The following FBN1 variants were observed in gnomAD, a reference collection of about 807,000 sequenced individuals.
The protein encoded by FBN1 is fibrillin 1.
A neutral mutation model predicts 365.1 loss-of-function variants in FBN1; 29 were observed. The observed-to-expected ratio is 0.08, with a 90% CI of 0.06 to 0.11. The LOEUF (loss-of-function observed/expected upper bound fraction) is 0.11. FBN1 is among the 10% of genes least tolerant of loss of function. The probability of loss-of-function intolerance (pLI) is 1.00; values close to 1 mark genes in which losing one functional copy is unlikely to be tolerated. For missense variants in FBN1, 2,476 were observed against 3,703.2 expected, an observed-to-expected ratio of 0.67 and a Z score of 8.60; for synonymous variants, 1,210 against 1,270.5, an observed-to-expected ratio of 0.95 and a Z score of 1.01.
rs539588423 is a variant in FBN1, at chr15:48,537,498, T to C, written c.736+113A>G. 186 of 1,329,130 alleles carry C rather than the reference T, an allele frequency of 1.4e-4. No individual in the cohort carries two copies. The African/African-American group carries it at 1.4e-3, about 10-fold the overall frequency. 82.3% of individuals were successfully genotyped at this position (1,329,130 alleles called of 1,614,324 possible). On this transcript the variant is annotated intron_variant, in intron 7 of 65. Coordinates refer to ENST00000316623, the MANE Select transcript of FBN1 (RefSeq NM_000138.5). ...GTTGGATATCATGCAGTCAGCGAAA[T>C]TGTGAAGTTATGTAGCTGACACTAC... is the stretch of plus-strand genomic sequence containing the variant.
intron 8 of FBN1, chr15:48,528,871 C>G (rs2043941366): frequency 6.6e-6 from 1 of 152,044 alleles, no homozygotes; most frequent in African/African-American, 2.4e-5. Context: ...GGCATGGCTT[C>G]GTAACAAATA....
rs990134651 is a variant in FBN1, at chr15:48,488,239, T to C, written c.3211A>G (p.Ile1071Val). 5 of 1,614,084 alleles carry C rather than the reference T, an allele frequency of 3.1e-6. No homozygotes were observed. Among genetic ancestry groups the C allele is most frequent in the Admixed American group, 1.7e-5 (1 of 60,010 alleles). ...LDSEERNCTDIDECRISPDLC... is the reference protein window; with the variant it reads ...LDSEERNCTDVDECRISPDLC... ...TCAGGAGATATGCGGCATTCGTCAA[T>C]GTCTGCACAAAAACAGCAAGTGGCA... is the stretch of plus-strand genomic sequence containing the variant. Residue 1071 changes from isoleucine (I) to valine (V), a missense_variant and splice_region_variant, in exon 27 of 66, where the codon ATT (isoleucine) becomes GTT (valine). Ile to Val is a conservative substitution (Grantham distance 29). Coordinates refer to ENST00000316623, the MANE Select transcript of FBN1 (RefSeq NM_000138.5).
chr15:48,644,485 C>T, intron 2 of FBN1, 121 bp downstream of exon 2: 2 of 1,429,422 alleles, frequency 1.4e-6, no homozygotes, highest in East Asian at 2.3e-5. Flanking sequence ...ACCCTAGCAC[C>T]TCTAAGGTGC....
chr15:48,578,905 T>C (rs1056510579), intron 6 of FBN1, among the ~76,000 whole-genome samples: 13 of 144,878 alleles, frequency 9.0e-5, no homozygotes, highest in Admixed American at 7.0e-4. Context: ...TACCTAATGC[T>C]AGATGACGAG....
intron 54 of FBN1, among the ~76,000 whole-genome samples, chr15:48,433,421 C>G (rs2043039178): frequency 6.6e-6 from 1 of 152,110 alleles, no homozygotes; most frequent in African/African-American, 2.4e-5. Flanking sequence ...CAGAAACCAA[C>G]TCCTCCAATA....
intron 6 of FBN1, among the ~76,000 whole-genome samples, chr15:48,571,546 G>T (rs12910434): frequency 6.6e-6 from 1 of 151,810 alleles, no homozygotes; most frequent in East Asian, 1.9e-4. Context: ...TTAAAGTAAA[G>T]AAGATTAAAA....
At position 48,572,601 on chromosome 15, in the gene FBN1, G is replaced by A. The variant is rs528414361; in HGVS notation, c.538+23682C>T. 5.6e-4 allele frequency among the ~76,000 whole-genome samples: 85 copies of A among 151,508 alleles called. 1 individual carries two copies. The highest frequency in any genetic ancestry group is 2.0e-3 in the African/African-American group (83 of 41,390). ...ATCAGTACTGGGGATTGTCTAAAAC[G>A]GCATTTTTAAAAAAATCTTGGAGAG... On this transcript the variant is annotated intron_variant, in intron 6 of 65. Coordinates refer to ENST00000316623, the MANE Select transcript of FBN1 (RefSeq NM_000138.5).
chr15:48,472,240 C>A (rs373186824), intron 35 of FBN1, among the ~76,000 whole-genome samples: 1 of 152,148 alleles, frequency 6.6e-6, no homozygotes, highest in African/African-American at 2.4e-5. Context: ...CATCCCCCTC[C>A]GTAGGGATAA....
chr15:48,450,154 G>A (rs535345439), intron 45 of FBN1, among the ~76,000 whole-genome samples: 1 of 152,276 alleles, frequency 6.6e-6, no homozygotes, highest in Admixed American at 6.5e-5. Context: ...TCCCAGTATA[G>A]GCAGAGGAGA....
chr15:48,425,332 G>A, intron 60 of FBN1, 37 bp downstream of exon 60: 3 of 1,613,914 alleles, frequency 1.9e-6, no homozygotes, highest in South Asian at 2.2e-5. Context: ...CCATGTGTCA[G>A]GAGCTAGGTG....
At chr15:48,448,946 A>G (rs2043180126) in intron 45 of FBN1, 53 bp from the exon 46 acceptor site, 2 of 1,447,436 alleles carry the variant, frequency 1.4e-6, no homozygotes, top group African/African-American at 2.8e-5. Context: ...ATATAATTGA[A>G]TAACTTACTT....
intron 63 of FBN1, among the ~76,000 whole-genome samples, chr15:48,418,219 C>T (rs935106430): frequency 3.9e-5 from 6 of 152,130 alleles, no homozygotes; most frequent in African/African-American, 1.4e-4. Context: ...GTATTTAAGC[C>T]AAACTGGGAT....
chr15:48,553,872 A>T (rs900515289), intron 6 of FBN1, among the ~76,000 whole-genome samples: 1 of 152,146 alleles, frequency 6.6e-6, no homozygotes, highest in Non-Finnish European at 1.5e-5. Flanking sequence ...AAGGAAACTT[A>T]TAGAAGAAGA....
In FBN1 at chr15:48,463,984, T is replaced by C. The variant is rs757202254; in HGVS notation, c.4980A>G (p.Pro1660=). Residue 1660 remains proline (P), a synonymous_variant, in exon 41 of 66, where the codon CCA becomes CCG. Coordinates refer to ENST00000316623, the MANE Select transcript of FBN1 (RefSeq NM_000138.5). ...TGCCAACGGTGTTGTAACATGTCCCTGGACCACAGATTCCAGGAGTCTCAC... is the reference window on the plus strand; with the variant it reads ...TGCCAACGGTGTTGTAACATGTCCCCGGACCACAGATTCCAGGAGTCTCAC... ...NECETPGICG[P]GTCYNTVGNY... 2.5e-6 allele frequency: 4 copies of C among 1,613,766 alleles called. No homozygotes were observed. The African/African-American group carries it at 4.0e-5, about 16-fold the overall frequency.
At chr15:48,471,221 T>C (rs1410629483) in intron 35 of FBN1, among the ~76,000 whole-genome samples, 1 of 152,190 alleles carries the variant, frequency 6.6e-6, no homozygotes, top group East Asian at 1.9e-4. Flanking sequence ...GTGTTTGCCT[T>C]TGTTGACGGA....
chr15:48,509,661 T>G (rs112936114), intron 14 of FBN1, among the ~76,000 whole-genome samples: 1 of 151,438 alleles, frequency 6.6e-6, no homozygotes, highest in East Asian at 1.9e-4. Flanking sequence ...TACTGATTAG[T>G]AGCATTTTAT....
chr15:48,458,974 C>A (rs1010148574), intron 43 of FBN1, among the ~76,000 whole-genome samples: 3 of 152,248 alleles, frequency 2.0e-5, no homozygotes, highest in Non-Finnish European at 4.4e-5. Context: ...TGAGTCAGGA[C>A]TGTGTTCTGG....
Position 48,489,923 on chromosome 15 carries a change from A to C in FBN1, c.3010T>G (p.Tyr1004Asp). ...EECPMRNTPE[Y>D]EELCPRGPGF... is the part of the protein sequence containing the mutation. ...GGTCCTCTCGGACACAGCTCCTCGTACTCAGGAGTATTTCTCATGGGACAC... is the reference window on the plus strand; with the variant it reads ...GGTCCTCTCGGACACAGCTCCTCGTCCTCAGGAGTATTTCTCATGGGACAC... Residue 1004 changes from tyrosine to aspartate, a missense_variant, in exon 25 of 66, where the codon TAC (tyrosine) becomes GAC (aspartate). Physicochemically the swap from Tyr to Asp is radical, Grantham distance 160. Coordinates refer to ENST00000316623, the MANE Select transcript of FBN1 (RefSeq NM_000138.5). The C allele has an allele frequency of 1.2e-6, 2 of 1,614,094 alleles. No homozygotes were observed. Among genetic ancestry groups the C allele is most frequent in the Non-Finnish European group, 1.7e-6 (2 of 1,180,028 alleles).
intron 53 of FBN1, among the ~76,000 whole-genome samples, chr15:48,435,802 GTGTGTGTGTATA>G (rs1566895741): frequency 6.7e-6 from 1 of 148,566 alleles, no homozygotes; most frequent in Non-Finnish European, 1.5e-5. Flanking sequence ...GTGTGTGTGT[GTGTGTGTGTATA>G]TATGCCTTCT....
Sources: allele counts gnomAD v4.1 joint callset (sites outside exome capture counted in the v4.1 genomes callset), GRCh38; gene constraint gnomAD v4.1.1; transcripts MANE v1.5; gene names NCBI Gene and HGNC (gene_info 2026-07-23, HGNC 2026-07-21).